Variants in EML4 observed in about 807,000 individuals in gnomAD.
EML4 encodes the protein echinoderm microtubule-associated protein-like 4.
Under a neutral mutation model 129.0 loss-of-function variants are expected in EML4, and 72 were observed. The ratio of observed to expected loss-of-function variants is 0.56; its 90% confidence interval spans 0.46 to 0.68. The LOEUF is 0.68. EML4 is among the 30% of genes least tolerant of loss of function. The pLI, the probability that EML4 is intolerant of heterozygous loss-of-function variation, is 0.00. For missense variants in EML4, 1,363 were observed against 1,190.6 expected, an observed-to-expected ratio of 1.14 and a Z score of -2.13; for synonymous variants, 532 against 405.0, an observed-to-expected ratio of 1.31 and a Z score of -3.77.
intron 10 of EML4, among the ~76,000 whole-genome samples, chr2:42,286,845 C>G (rs1394220147): frequency 6.6e-6 from 1 of 152,154 alleles, no homozygotes; most frequent in African/African-American, 2.4e-5. Flanking sequence ...TTTGTATTTC[C>G]TGAAGTCCTG....
intron 1 of EML4, among the ~76,000 whole-genome samples, chr2:42,197,212 A>G (rs1049543777): frequency 6.6e-6 from 1 of 152,014 alleles, no homozygotes; most frequent in African/African-American, 2.4e-5. Context: ...ACAGGCACGC[A>G]CCACCACTCC....
Position 42,330,654 on chromosome 2 carries a change from A to G in EML4, c.*447A>G. ...TTTTTTTCCTGAAAAAGAAACCAGA[A>G]AAAAATGTACTCTTACTGAGATACC... is the stretch of plus-strand genomic sequence containing the variant. On this transcript the variant is annotated 3_prime_UTR_variant, in exon 23 of 23. Coordinates refer to ENST00000318522, the MANE Select transcript of EML4 (RefSeq NM_019063.5). 1 of 273,564 alleles carries G rather than the reference A, an allele frequency of 3.7e-6. No homozygotes were observed. The highest frequency in any genetic ancestry group is 7.1e-6 in the Non-Finnish European group (1 of 140,658). The allele number at this position is 273,564 out of a possible 1,614,324, so 16.9% of individuals were successfully genotyped here. A position where few individuals can be genotyped will look rare whatever the true frequency, so the allele number is the denominator to read the frequency against.
At chr2:42,309,792 G>T (rs988953242) in intron 17 of EML4, among the ~76,000 whole-genome samples, 2 of 152,172 alleles carry the variant, frequency 1.3e-5, no homozygotes, top group Non-Finnish European at 2.9e-5. Context: ...GTTCCTTACA[G>T]ATCTTTTTCA....
intron 1 of EML4, among the ~76,000 whole-genome samples, chr2:42,243,396 C>G (rs529935840): frequency 6.6e-6 from 1 of 150,676 alleles, no homozygotes; most frequent in Non-Finnish European, 1.5e-5. Flanking sequence ...AGGCGAGAGA[C>G]TGAATTGTTC....
chr2:42,238,737 C>G (rs1371268972), intron 1 of EML4, among the ~76,000 whole-genome samples: 2 of 152,148 alleles, frequency 1.3e-5, no homozygotes, highest in South Asian at 2.1e-4. Flanking sequence ...GCCTCAGCCC[C>G]TGAATTACAA....
At chr2:42,241,835 C>G (rs1056855153) in intron 1 of EML4, among the ~76,000 whole-genome samples, 3 of 149,116 alleles carry the variant, frequency 2.0e-5, no homozygotes, top group East Asian at 2.0e-4. Flanking sequence ...GCTATTTCCT[C>G]CAGTGTAAAA....
At position 42,288,333 on chromosome 2, in the gene EML4, A is replaced by T. The variant is rs754259009; in HGVS notation, c.1218+11A>T. 11 of 1,374,922 alleles carry T rather than the reference A, an allele frequency of 8.0e-6. No homozygotes were observed. Among genetic ancestry groups the T allele is most frequent in the East Asian group, 4.7e-5 (2 of 42,316 alleles). The allele number at this position is 1,374,922 out of a possible 1,614,324, so 85.2% of individuals were successfully genotyped here. On this transcript the variant is annotated intron_variant, in intron 11 of 22. Coordinates refer to ENST00000318522, the MANE Select transcript of EML4 (RefSeq NM_019063.5). The stretch of plus-strand genomic sequence containing the variant: ...GGAGCAGAAATAAAGGTAAATTTTT[A>T]AAAAACCGAGTATTGTGTTTTAGAG...
At chr2:42,273,572 A>G (rs1666491462) in intron 6 of EML4, among the ~76,000 whole-genome samples, 1 of 152,180 alleles carries the variant, frequency 6.6e-6, no homozygotes, top group Non-Finnish European at 1.5e-5. Context: ...GGTTAGGTTC[A>G]TATCTTTTAC....
intron 17 of EML4, among the ~76,000 whole-genome samples, chr2:42,313,830 G>A (rs1669091410): frequency 6.6e-6 from 1 of 151,992 alleles, no homozygotes; most frequent in South Asian, 2.1e-4. Context: ...TTGGGAGGCT[G>A]AGACACGAGA....
At chr2:42,221,413 T>A (rs1335205529) in intron 1 of EML4, among the ~76,000 whole-genome samples, 1 of 67,428 alleles carries the variant, frequency 1.5e-5, no homozygotes, top group Non-Finnish European at 2.8e-5. Context: ...CTTTTTTTTT[T>A]TTTTTTTTTT....
chr2:42,269,697 G>A (rs570792480), intron 6 of EML4, among the ~76,000 whole-genome samples: 65 of 152,288 alleles, frequency 4.3e-4, no homozygotes, highest in Middle Eastern at 3.4e-3. Flanking sequence ...AGAGGAAGCC[G>A]TTCATAAAAG....
At chr2:42,253,350 A>C (rs190604876) in intron 2 of EML4, among the ~76,000 whole-genome samples, 1 of 152,212 alleles carries the variant, frequency 6.6e-6, no homozygotes. Context: ...CAAGATGCCT[A>C]TGTTTTTGAC....
intron 1 of EML4, among the ~76,000 whole-genome samples, chr2:42,190,040 T>C (rs1671496471): frequency 6.6e-6 from 1 of 150,804 alleles, no homozygotes. Context: ...CCAGAAGAGG[T>C]GCTTATAATT....
intron 10 of EML4, 146 bp downstream of exon 10, chr2:42,286,525 C>G: frequency 1.6e-6 from 1 of 614,098 alleles, no homozygotes; most frequent in Non-Finnish European, 2.9e-6. Context: ...TTAGCTATTG[C>G]TAAATGGCTA....
intron 6 of EML4, among the ~76,000 whole-genome samples, chr2:42,265,272 G>A (rs1665993020): frequency 6.6e-6 from 1 of 151,994 alleles, no homozygotes; most frequent in East Asian, 1.9e-4. Flanking sequence ...TTGTTTGTTT[G>A]TTTTGTATTT....
At chr2:42,245,094 C>CTTTTTGTTTTT (rs1675302677) in intron 1 of EML4, among the ~76,000 whole-genome samples, 1 of 66,562 alleles carries the variant, frequency 1.5e-5, no homozygotes, top group Non-Finnish European at 2.6e-5. Context: ...AATTTTCTTT[C>CTTTTTGTTTTT]TTTTTTTTTT....
chr2:42,217,294 A>G (rs1485348390), intron 1 of EML4, among the ~76,000 whole-genome samples: 3 of 152,208 alleles, frequency 2.0e-5, no homozygotes, highest in South Asian at 2.1e-4. Flanking sequence ...GAACAGGATT[A>G]TACTTAACCC....
rs1307021163 is a variant in EML4 at position 42,331,749 on chromosome 2, A to C, written c.*1542A>C. 2 of 220,730 alleles carry C rather than the reference A, an allele frequency of 9.1e-6. No homozygotes were observed. Among genetic ancestry groups the C allele is most frequent in the African/African-American group, 4.5e-5 (2 of 44,574 alleles). The allele number at this position is 220,730 out of a possible 1,614,324, so 13.7% of individuals were successfully genotyped here. A position where few individuals can be genotyped will look rare whatever the true frequency, so the allele number is the denominator to read the frequency against. ...TTTGGTAATATGAAAACTCCAGTGA[A>C]CTCCCAAGGACATTTACAACATTTA... is the stretch of plus-strand genomic sequence containing the variant. On this transcript the variant is annotated 3_prime_UTR_variant, in exon 23 of 23. Transcript: ENST00000318522.
At chr2:42,171,984 A>T (rs1558470539) in intron 1 of EML4, among the ~76,000 whole-genome samples, 1 of 151,974 alleles carries the variant, frequency 6.6e-6, no homozygotes, top group Non-Finnish European at 1.5e-5. Context: ...TTAGAGTTAC[A>T]TTGATCTTTA....
Sources: allele counts gnomAD v4.1 joint callset (sites outside exome capture counted in the v4.1 genomes callset), GRCh38; gene constraint gnomAD v4.1.1; transcripts MANE v1.5; gene names NCBI Gene and HGNC (gene_info 2026-07-23, HGNC 2026-07-21).